Variants in PCDHA9 observed in about 807,000 individuals in gnomAD.
PCDHA9 encodes protocadherin alpha 9.
Under a neutral mutation model 62.0 loss-of-function variants are expected in PCDHA9, and 62 were observed. That is an observed-to-expected ratio of 1.00 (90% confidence interval 0.81 to 1.23). PCDHA9 has a LOEUF of 1.23. Among genes scored for constraint, PCDHA9 ranks in the 50% most tolerant of loss-of-function variants. PCDHA9 has a pLI of 0.00. For synonymous variants in PCDHA9, 557 were observed against 567.6 expected, an observed-to-expected ratio of 0.98 and a Z score of 0.27; for missense variants, 1,205 against 1,249.8, an observed-to-expected ratio of 0.96 and a Z score of 0.54.
At chr5:141,006,634 A>G (rs1324728437) in intron 3 of PCDHA9, among the ~76,000 whole-genome samples, 4 of 152,220 alleles carry the variant, frequency 2.6e-5, no homozygotes, top group Non-Finnish European at 5.9e-5. Flanking sequence ...GCTGCAATTC[A>G]TATAAGAGAT....
chr5:141,002,918 GAACACCCTCC>G (rs1554258833), intron 3 of PCDHA9, among the ~76,000 whole-genome samples: 1 of 152,192 alleles, frequency 6.6e-6, no homozygotes, highest in Non-Finnish European at 1.5e-5. Flanking sequence ...TCAGAAAAGT[GAACACCCTCC>G]AACACCCTCC....
intron 1 of PCDHA9, chr5:140,883,871 G>C: frequency 1.9e-6 from 3 of 1,613,242 alleles, no homozygotes; most frequent in Non-Finnish European, 2.5e-6. Context: ...GCAGTTCCAG[G>C]TGAGCGCGCG....
At chr5:140,946,152 G>T (rs1279401608) in intron 1 of PCDHA9, among the ~76,000 whole-genome samples, 1 of 151,750 alleles carries the variant, frequency 6.6e-6, no homozygotes, top group Non-Finnish European at 1.5e-5. Flanking sequence ...CAAATAACAC[G>T]ATTTAAAAGA....
In PCDHA9 at chr5:140,849,626, A is replaced by C. The variant is rs141672026; in HGVS notation, c.1131A>C (p.Leu377=). ...TVIALISVID[L]DADANGQVTC... is the part of the protein sequence containing the mutation. ...TTGCCCTGATTAGTGTGATCGACCT[A>C]GACGCAGATGCCAACGGGCAGGTTA... The change falls in exon 1 of 4, where the codon CTA becomes CTC. Residue 377 remains leucine (L), a synonymous_variant. Transcript: ENST00000532602. 6.8e-4 allele frequency: 1,095 copies of C among 1,598,786 alleles called. 108 individuals carry two copies. The highest frequency in any genetic ancestry group is 1.2e-3 in the South Asian group (106 of 90,568).
chr5:140,998,809 C>T (rs782698811), intron 3 of PCDHA9, among the ~76,000 whole-genome samples: 14 of 152,212 alleles, frequency 9.2e-5, no homozygotes, highest in Non-Finnish European at 1.9e-4. Context: ...GGTGATCTGC[C>T]TGCCTTGGCC....
At chr5:140,866,376 CA>C (rs2049320172) in intron 1 of PCDHA9, 1 of 152,074 alleles carries the variant, frequency 6.6e-6, no homozygotes, top group South Asian at 2.1e-4. Flanking sequence ...ACTTCAATAA[CA>C]ATTTTAAAGA....
chr5:140,976,149 A>C (rs1397618914), intron 1 of PCDHA9, among the ~76,000 whole-genome samples: 1 of 152,182 alleles, frequency 6.6e-6, no homozygotes, highest in Non-Finnish European at 1.5e-5. Context: ...ACTCATGTAC[A>C]TTTTACTACT....
At chr5:140,964,222 A>G (rs2095818106) in intron 1 of PCDHA9, among the ~76,000 whole-genome samples, 1 of 152,254 alleles carries the variant, frequency 6.6e-6, no homozygotes, top group African/African-American at 2.4e-5. Flanking sequence ...AATGTCTTTC[A>G]AAATGAGGCT....
chr5:140,899,253 A>T (rs1340284203), intron 1 of PCDHA9, among the ~76,000 whole-genome samples: 1 of 152,284 alleles, frequency 6.6e-6, no homozygotes, highest in East Asian at 1.9e-4. Context: ...GAGAGAGGGC[A>T]TCCCTGTCTT....
chr5:140,857,980 G>A (rs2045073152), intron 1 of PCDHA9: 1 of 1,597,100 alleles, frequency 6.3e-7, no homozygotes, highest in Non-Finnish European at 8.6e-7. Context: ...CGCCACGCCA[G>A]CGCCTACTGG....
chr5:140,876,077 G>C, intron 1 of PCDHA9: 4 of 1,613,956 alleles, frequency 2.5e-6, no homozygotes, highest in Non-Finnish European at 3.4e-6. Flanking sequence ...TTATTGGACA[G>C]AGAGCAAACG....
intron 1 of PCDHA9, chr5:140,930,248 C>T (rs2086692121): frequency 1.3e-5 from 2 of 152,178 alleles, no homozygotes; most frequent in South Asian, 4.1e-4. Flanking sequence ...GTCCATTCAA[C>T]TTGGATTTAA....
At chr5:140,862,844 C>G (rs782433146) in intron 1 of PCDHA9, 1 of 571,262 alleles carries the variant, frequency 1.8e-6, no homozygotes. Flanking sequence ...GGCATGCCGC[C>G]TCTGAGCAGC....
chr5:140,965,331 G>T (rs2153743444), intron 1 of PCDHA9, among the ~76,000 whole-genome samples: 1 of 152,252 alleles, frequency 6.6e-6, no homozygotes, highest in Non-Finnish European at 1.5e-5. Context: ...AAGTGAATTT[G>T]TTGTCTCTGT....
At chr5:141,000,415 A>T (rs1462372394) in intron 3 of PCDHA9, among the ~76,000 whole-genome samples, 8 of 87,370 alleles carry the variant, frequency 9.2e-5, no homozygotes, top group African/African-American at 2.5e-4. Flanking sequence ...ATATATATAT[A>T]TATATATTTT....
chr5:140,890,220 C>A (rs955015481), intron 1 of PCDHA9, among the ~76,000 whole-genome samples: 18 of 152,044 alleles, frequency 1.2e-4, no homozygotes, highest in Non-Finnish European at 2.6e-4. Flanking sequence ...TCCCAGAGAC[C>A]TAGTTGTTAA....
At chr5:141,008,985 A>G (rs566679512) in intron 3 of PCDHA9, among the ~76,000 whole-genome samples, 2 of 152,240 alleles carry the variant, frequency 1.3e-5, no homozygotes, top group South Asian at 4.1e-4. Context: ...AGTTTAATCT[A>G]GACACTAAAA....
chr5:140,887,632 G>T (rs1554183131), intron 1 of PCDHA9, among the ~76,000 whole-genome samples: 1 of 151,834 alleles, frequency 6.6e-6, no homozygotes, highest in Admixed American at 6.6e-5. Context: ...ATGTTAGTCT[G>T]TTGGGGTTTG....
chr5:140,926,958 C>G (rs782614627), intron 1 of PCDHA9: 3 of 1,603,116 alleles, frequency 1.9e-6, no homozygotes, highest in Admixed American at 1.7e-5. Context: ...CGGGACAGCT[C>G]GAGTACTCAG....
Sources: allele counts gnomAD v4.1 joint callset (sites outside exome capture counted in the v4.1 genomes callset), GRCh38; gene constraint gnomAD v4.1.1; transcripts MANE v1.5; gene names NCBI Gene and HGNC (gene_info 2026-07-23, HGNC 2026-07-21).